Variants in CFAP299 observed in about 807,000 individuals in gnomAD.
The protein encoded by CFAP299 is cilia- and flagella-associated protein 299.
Under a neutral mutation model 27.0 loss-of-function variants are expected in CFAP299, and 21 were observed. That is an observed-to-expected ratio of 0.78 (90% CI 0.55 to 1.12). The LOEUF (loss-of-function observed/expected upper bound fraction) is 1.12, where lower values mean the gene tolerates loss of function less well. CFAP299 is among the 50% of genes most tolerant of loss of function. The pLI is 0.00. For synonymous variants in CFAP299, 104 were observed against 98.1 expected (o/e 1.06, Z -0.36); for missense variants, 310 against 276.6 (o/e 1.12, Z -0.86).
chr4:80,937,696 A>G (rs1257332681), intron 4 of CFAP299, among the ~76,000 whole-genome samples: 2 of 152,014 alleles, frequency 1.3e-5, no homozygotes, highest in East Asian at 3.9e-4. Context: ...GTCACTCTCT[A>G]TTTTGACTGG....
chr4:80,530,087 A>C, intron 2 of CFAP299, among the ~76,000 whole-genome samples: 1 of 152,186 alleles, frequency 6.6e-6, no homozygotes, highest in East Asian at 1.9e-4. Flanking sequence ...TGAGTTAGCA[A>C]AGCTGGTCAC....
intron 1 of CFAP299, among the ~76,000 whole-genome samples, chr4:80,344,496 G>A (rs1457511291): frequency 6.6e-6 from 1 of 152,010 alleles, no homozygotes; most frequent in African/African-American, 2.4e-5. Context: ...TGAAATTGAA[G>A]CAACAATAAA....
intron 3 of CFAP299, among the ~76,000 whole-genome samples, chr4:80,805,876 A>T (rs960475275): frequency 1.3e-5 from 2 of 152,018 alleles, no homozygotes; most frequent in African/African-American, 4.8e-5. Flanking sequence ...ACCTTGTCTC[A>T]AAAAAGTATT....
At chr4:80,680,948 G>A (rs1719798254) in intron 3 of CFAP299, among the ~76,000 whole-genome samples, 1 of 152,098 alleles carries the variant, frequency 6.6e-6, no homozygotes, top group African/African-American at 2.4e-5. Flanking sequence ...CAAGGATCAT[G>A]TTTTCAAGTC....
At chr4:80,508,007 G>C (rs999909886) in intron 2 of CFAP299, among the ~76,000 whole-genome samples, 1 of 152,022 alleles carries the variant, frequency 6.6e-6, no homozygotes, top group East Asian at 1.9e-4. Flanking sequence ...GTTATACAGG[G>C]ATAATCCATA....
intron 2 of CFAP299, among the ~76,000 whole-genome samples, chr4:80,396,477 A>C (rs1725802923): frequency 6.6e-6 from 1 of 152,278 alleles, no homozygotes; most frequent in Admixed American, 6.5e-5. Context: ...ACATTTGTAC[A>C]GTGTATTTTA....
At chr4:80,439,846 G>A (rs1001952019) in intron 2 of CFAP299, among the ~76,000 whole-genome samples, 17 of 152,170 alleles carry the variant, frequency 1.1e-4, no homozygotes, top group African/African-American at 3.9e-4. Flanking sequence ...GTCGACCTGC[G>A]ACACTCGAGC....
intron 2 of CFAP299, among the ~76,000 whole-genome samples, chr4:80,452,425 T>G (rs1312694645): frequency 6.6e-6 from 1 of 152,186 alleles, no homozygotes; most frequent in African/African-American, 2.4e-5. Context: ...AGAGTATTGC[T>G]TTTAGAATTT....
At chr4:80,499,836 G>A (rs1235072547) in intron 2 of CFAP299, among the ~76,000 whole-genome samples, 1 of 151,898 alleles carries the variant, frequency 6.6e-6, no homozygotes, top group African/African-American at 2.4e-5. Flanking sequence ...TCTAAAGTAC[G>A]GTAGCAAAAT....
intron 3 of CFAP299, among the ~76,000 whole-genome samples, chr4:80,625,465 A>G (rs1280219762): frequency 6.6e-6 from 1 of 152,016 alleles, no homozygotes; most frequent in African/African-American, 2.4e-5. Context: ...AGAGAAAGAG[A>G]CAGAAGATCT....
intron 3 of CFAP299, among the ~76,000 whole-genome samples, chr4:80,710,151 G>A (rs1407341097): frequency 2.0e-5 from 3 of 152,130 alleles, no homozygotes; most frequent in African/African-American, 7.2e-5. Context: ...TCAGAAATGT[G>A]AACTAGGAGA....
intron 3 of CFAP299, among the ~76,000 whole-genome samples, chr4:80,707,723 G>A (rs915467979): frequency 2.0e-5 from 3 of 151,944 alleles, no homozygotes; most frequent in Non-Finnish European, 4.4e-5. Flanking sequence ...CTGGTCTCAG[G>A]TATATAAAAT....
At chr4:80,955,004 A>C (rs1737986519) in intron 5 of CFAP299, among the ~76,000 whole-genome samples, 1 of 102,180 alleles carries the variant, frequency 9.8e-6, no homozygotes, top group South Asian at 3.8e-4. Flanking sequence ...CATCAAAAAA[A>C]AAAAAAAAAA....
chr4:80,916,276 TA>T (rs1735753473), intron 4 of CFAP299, among the ~76,000 whole-genome samples: 1 of 114,534 alleles, frequency 8.7e-6, no homozygotes, highest in African/African-American at 4.3e-5. Context: ...TATATATATA[TA>T]TATATATATA....
chr4:80,807,938 G>C (rs983788549), intron 3 of CFAP299, among the ~76,000 whole-genome samples: 28 of 151,748 alleles, frequency 1.8e-4, no homozygotes, highest in African/African-American at 5.8e-4. Flanking sequence ...AATTCTTAAA[G>C]TAACTCTACA....
intron 4 of CFAP299, among the ~76,000 whole-genome samples, chr4:80,905,861 C>G (rs887743485): frequency 1.3e-5 from 2 of 152,182 alleles, no homozygotes; most frequent in African/African-American, 2.4e-5. Flanking sequence ...AACTACAATT[C>G]AAGATGATAT....
chr4:80,810,047 C>A (rs1463508391), intron 3 of CFAP299, among the ~76,000 whole-genome samples: 1 of 151,884 alleles, frequency 6.6e-6, no homozygotes, highest in African/African-American at 2.4e-5. Context: ...TATAACAGTG[C>A]CTGGAACATA....
chr4:80,546,056 G>A (rs776322740), intron 2 of CFAP299, among the ~76,000 whole-genome samples: 11 of 152,018 alleles, frequency 7.2e-5, no homozygotes, highest in Middle Eastern at 6.8e-3. Flanking sequence ...TCATCCCTCA[G>A]TGAGAAACCC....
chr4:80,346,356 A>G (rs993271245), intron 1 of CFAP299, among the ~76,000 whole-genome samples: 7 of 152,182 alleles, frequency 4.6e-5, no homozygotes, highest in Admixed American at 1.3e-4. Context: ...GCTCATGCCT[A>G]TGTCTTGAAT....
Sources: gnomAD v4.1 joint callset for allele counts (sites outside exome capture counted in the v4.1 genomes callset) on GRCh38, gnomAD v4.1.1 for gene constraint, MANE v1.5 for transcripts, NCBI Gene and HGNC (gene_info 2026-07-23, HGNC 2026-07-21) for gene names.